The following LIMK2 variants were observed in gnomAD, a reference collection of about 807,000 sequenced individuals.
LIMK2 encodes LIM domain kinase 2.
In LIMK2, 35 loss-of-function variants were observed where a neutral mutation model predicts 75.7. That is an observed-to-expected ratio of 0.46 (90% CI 0.35 to 0.61). The LOEUF (loss-of-function observed/expected upper bound fraction) is 0.61. LIMK2 is among the 20% of genes least tolerant of loss of function. The pLI is 0.00. For missense variants in LIMK2, 623 were observed against 831.0 expected (o/e 0.75, Z 3.08); for synonymous variants, 301 against 319.2 (o/e 0.94, Z 0.61).
intron 2 of LIMK2, among the ~76,000 whole-genome samples, chr22:31,233,330 A>G (rs1057073700): frequency 6.6e-6 from 1 of 152,244 alleles, no homozygotes; most frequent in Non-Finnish European, 1.5e-5. Context: ...GGGACTTAAC[A>G]GATGTTAGCA....
At chr22:31,221,288 C>T (rs1340732706) in intron 1 of LIMK2, among the ~76,000 whole-genome samples, 1 of 151,878 alleles carries the variant, frequency 6.6e-6, no homozygotes, top group African/African-American at 2.4e-5. Context: ...TTGTTCCTGC[C>T]CCAGGGCCTT....
At chr22:31,224,734 C>A (rs1225748631) in intron 1 of LIMK2, among the ~76,000 whole-genome samples, 1 of 152,182 alleles carries the variant, frequency 6.6e-6, no homozygotes, top group Admixed American at 6.5e-5. Context: ...GAAATAACAT[C>A]CAAGTGAAAA....
At chr22:31,224,214 T>C (rs2048459829) in intron 1 of LIMK2, among the ~76,000 whole-genome samples, 1 of 152,140 alleles carries the variant, frequency 6.6e-6, no homozygotes. Context: ...ACCAGGAGTA[T>C]TGTATTTTGT....
chr22:31,230,640 C>T (rs2048519670), intron 2 of LIMK2, among the ~76,000 whole-genome samples: 1 of 152,110 alleles, frequency 6.6e-6, no homozygotes, highest in African/African-American at 2.4e-5. Context: ...TTTTGAAAAG[C>T]GGTTACTAAT....
At chr22:31,248,603 C>T (rs1160385791) in intron 2 of LIMK2, 27 of 1,610,280 alleles carry the variant, frequency 1.7e-5, no homozygotes, top group Non-Finnish European at 2.3e-5. Flanking sequence ...GGCAGCCTGC[C>T]TGCAGCCAGA....
chr22:31,231,261 A>G (rs531324061), intron 2 of LIMK2, among the ~76,000 whole-genome samples: 4 of 152,318 alleles, frequency 2.6e-5, no homozygotes, highest in East Asian at 3.9e-4. Flanking sequence ...TAAAGGCTTC[A>G]TGGACTCTAT....
chr22:31,277,843 C>G (rs1205273890), intron 15 of LIMK2, among the ~76,000 whole-genome samples: 3 of 152,036 alleles, frequency 2.0e-5, no homozygotes, highest in Non-Finnish European at 4.4e-5. Flanking sequence ...GACGATTGTT[C>G]AGGGTACCAG....
chr22:31,251,797 G>GCT (rs35317012), intron 2 of LIMK2, among the ~76,000 whole-genome samples: 6,212 of 152,250 alleles, frequency 0.041, 110 homozygotes, highest in Non-Finnish European at 0.051. Flanking sequence ...GTCTCTCTAG[G>GCT]CCCCTGTCAT....
At chr22:31,236,903 C>T (rs1353371596) in intron 2 of LIMK2, among the ~76,000 whole-genome samples, 3 of 145,802 alleles carry the variant, frequency 2.1e-5, no homozygotes, top group African/African-American at 5.1e-5. Flanking sequence ...GGAGACAGAG[C>T]GAGACTCTGT....
intron 2 of LIMK2, among the ~76,000 whole-genome samples, chr22:31,242,503 A>G (rs751203647): frequency 6.6e-6 from 1 of 152,190 alleles, no homozygotes; most frequent in East Asian, 1.9e-4. Flanking sequence ...GTTACTAACA[A>G]TGGTTCCATC....
intron 3 of LIMK2, 189 bp downstream of exon 3, chr22:31,258,615 A>G (rs2048808565): frequency 6.7e-6 from 4 of 592,872 alleles, no homozygotes; most frequent in East Asian, 2.9e-5. Flanking sequence ...CCTTCCCTCA[A>G]AGACTTAATA....
At chr22:31,219,422 C>T (rs2048415356) in intron 1 of LIMK2, among the ~76,000 whole-genome samples, 1 of 152,168 alleles carries the variant, frequency 6.6e-6, no homozygotes, top group South Asian at 2.1e-4. Flanking sequence ...TTACGTTGCA[C>T]AGTTGCACTT....
At chr22:31,232,253 GAA>G (rs34104927) in intron 2 of LIMK2, among the ~76,000 whole-genome samples, 1 of 130,340 alleles carries the variant, frequency 7.7e-6, no homozygotes, top group African/African-American at 3.0e-5. Context: ...ACTCCCAGGA[GAA>G]AAAAAAAAAA....
chr22:31,220,545 G>A (rs1480013073), intron 1 of LIMK2, among the ~76,000 whole-genome samples: 1 of 152,116 alleles, frequency 6.6e-6, no homozygotes, highest in Non-Finnish European at 1.5e-5. Context: ...TGGAGAGAGA[G>A]GGACTGAAGG....
intron 2 of LIMK2, among the ~76,000 whole-genome samples, chr22:31,235,351 T>G (rs1366647602): frequency 6.6e-6 from 1 of 152,162 alleles, no homozygotes; most frequent in Non-Finnish European, 1.5e-5. Flanking sequence ...GACATTGGGT[T>G]GTTTTAGAAA....
At chr22:31,250,428 G>A (rs1178800967) in intron 2 of LIMK2, among the ~76,000 whole-genome samples, 3 of 152,072 alleles carry the variant, frequency 2.0e-5, no homozygotes, top group African/African-American at 7.2e-5. Flanking sequence ...ACCTTTAAGG[G>A]CCAGACCACT....
intron 14 of LIMK2, among the ~76,000 whole-genome samples, chr22:31,273,994 C>T (rs552817002): frequency 6.7e-4 from 101 of 150,742 alleles, no homozygotes; most frequent in Admixed American, 2.2e-3. Context: ...CTACCTCGCC[C>T]GGCCAGGTTT....
intron 1 of LIMK2, among the ~76,000 whole-genome samples, chr22:31,221,308 C>T (rs938235470): frequency 6.7e-6 from 1 of 148,260 alleles, no homozygotes; most frequent in Non-Finnish European, 1.5e-5. Context: ...TTGCACATGT[C>T]CCCCCTCTCC....
intron 5 of LIMK2, among the ~76,000 whole-genome samples, chr22:31,260,561 G>T (rs566525153): frequency 6.6e-6 from 1 of 152,324 alleles, no homozygotes; most frequent in East Asian, 1.9e-4. Flanking sequence ...CCCTATCCTA[G>T]ATTCAGGCCA....
Sources: allele counts gnomAD v4.1 joint callset (sites outside exome capture counted in the v4.1 genomes callset), GRCh38; gene constraint gnomAD v4.1.1; transcripts MANE v1.5; gene names NCBI Gene and HGNC (gene_info 2026-07-23, HGNC 2026-07-21).